The following SDR9C7 variants were observed in gnomAD, a reference collection of about 807,000 sequenced individuals.
SDR9C7 encodes short chain dehydrogenase/reductase family 9C member 7.
In SDR9C7, 11 loss-of-function variants were observed where a neutral mutation model predicts 23.6. The ratio of observed to expected loss-of-function variants is 0.47; its 90% CI spans 0.29 to 0.77. The LOEUF (loss-of-function observed/expected upper bound fraction) is 0.77, where lower values mean the gene tolerates loss of function less well. Ranked by LOEUF, SDR9C7 falls within the 30% of genes least tolerant of loss-of-function variation. The pLI is 0.09. For synonymous variants in SDR9C7, 167 were observed against 157.3 expected, an observed-to-expected ratio of 1.06 and a Z score of -0.46; for missense variants, 387 against 407.1, an observed-to-expected ratio of 0.95 and a Z score of 0.42.
At chr12:56,926,988 C>A (rs962551302) in intron 3 of SDR9C7, among the ~76,000 whole-genome samples, 2 of 152,202 alleles carry the variant, frequency 1.3e-5, no homozygotes, top group Admixed American at 1.3e-4. Context: ...ATCTTCCCTG[C>A]TAGTTTCCTG....
At chr12:56,932,549 A>G (rs1010322835) in intron 1 of SDR9C7, among the ~76,000 whole-genome samples, 3 of 152,216 alleles carry the variant, frequency 2.0e-5, no homozygotes, top group Non-Finnish European at 4.4e-5. Flanking sequence ...CAGTTGTGTT[A>G]TTTGTTACAA....
In SDR9C7 at chr12:56,923,725, C is replaced by T. The variant is rs1018613460; in HGVS notation, c.*108G>A. The T allele has an allele frequency of 1.8e-5, 16 of 906,902 alleles. No homozygotes were observed. In the Admixed American group the frequency reaches 4.1e-4, roughly 23 times the overall value. The allele number at this position is 906,902 out of a possible 1,614,324, so 56.2% of individuals were successfully genotyped here. ...AGTGGGTGTCAGCTGAGCCAAGCTTCCTTTGCAGCCAATGCCCCCAGGATA... is the reference window on the plus strand; with the variant it reads ...AGTGGGTGTCAGCTGAGCCAAGCTTTCTTTGCAGCCAATGCCCCCAGGATA... On this transcript the variant is annotated 3_prime_UTR_variant, in exon 4 of 4. Transcript: ENST00000293502.
At chr12:56,925,826 C>T (rs942543682) in intron 3 of SDR9C7, among the ~76,000 whole-genome samples, 1 of 152,070 alleles carries the variant, frequency 6.6e-6, no homozygotes, top group African/African-American at 2.4e-5. Context: ...GCTTTGTGGG[C>T]TGAGGATGTG....
Position 56,924,069 on chromosome 12 carries a change from G to C in SDR9C7, c.725-19C>G. The C allele has an allele frequency of 6.5e-7, 1 of 1,532,498 alleles. No homozygotes were observed. Among genetic ancestry groups the C allele is most frequent in the Non-Finnish European group, 9.0e-7 (1 of 1,113,222 alleles). The allele number at this position is 1,532,498 out of a possible 1,614,324, so 94.9% of individuals were successfully genotyped here. ...TCAGTATCTGTTTGAGGGCAGAGAG[G>C]GGAAAAAGGCTCTGTTATTCTTCAT... On this transcript the variant is annotated intron_variant, in intron 3 of 3. Coordinates refer to ENST00000293502, the MANE Select transcript of SDR9C7 (RefSeq NM_148897.3).
At chr12:56,927,259 C>T (rs974459626) in intron 3 of SDR9C7, among the ~76,000 whole-genome samples, 7 of 152,316 alleles carry the variant, frequency 4.6e-5, no homozygotes, top group African/African-American at 1.4e-4. Context: ...ATGGACCACA[C>T]TAAAGATGCT....
intron 1 of SDR9C7, among the ~76,000 whole-genome samples, chr12:56,930,804 C>T (rs1955764549): frequency 6.6e-6 from 1 of 152,190 alleles, no homozygotes; most frequent in Non-Finnish European, 1.5e-5. Context: ...TGTTTAGATC[C>T]CTTCCCCATC....
chr12:56,923,737 A>G lies in SDR9C7; in HGVS notation c.*96T>C, dbSNP rs1185394036. The G allele has an allele frequency of 5.0e-6, 5 of 1,001,530 alleles. No homozygotes were observed. Among genetic ancestry groups the G allele is most frequent in the Non-Finnish European group, 7.3e-6 (5 of 683,114 alleles). The allele number at this position is 1,001,530 out of a possible 1,614,324, so 62.0% of individuals were successfully genotyped here. On this transcript the variant is annotated 3_prime_UTR_variant, in exon 4 of 4. Transcript: ENST00000293502. The stretch of plus-strand genomic sequence containing the variant: ...CTGAGCCAAGCTTCCTTTGCAGCCA[A>G]TGCCCCCAGGATAACCGATACCACC...
chr12:56,924,803 C>T (rs1204369129), intron 3 of SDR9C7, among the ~76,000 whole-genome samples: 8 of 152,094 alleles, frequency 5.3e-5, no homozygotes, highest in South Asian at 2.1e-4. Context: ...TGCCTATAAT[C>T]GCAGCTACTC....
At chr12:56,928,259 A>G (rs1189357696) in intron 3 of SDR9C7, among the ~76,000 whole-genome samples, 1 of 152,084 alleles carries the variant, frequency 6.6e-6, no homozygotes, top group African/African-American at 2.4e-5. Context: ...CCTCAAATGG[A>G]GTTTTCTGCC....
chr12:56,927,244 C>A (rs564848527), intron 3 of SDR9C7, among the ~76,000 whole-genome samples: 137 of 152,142 alleles, frequency 9.0e-4, no homozygotes, highest in Admixed American at 2.2e-3. Context: ...TATACATATT[C>A]TTTCATGGAC....
chr12:56,933,891 C>G, intron 1 of SDR9C7, 70 bp downstream of exon 1: 1 of 1,526,898 alleles, frequency 6.5e-7, no homozygotes, highest in Non-Finnish European at 8.8e-7. Flanking sequence ...CTGATACTGT[C>G]AGATGCTTCG....
intron 3 of SDR9C7, among the ~76,000 whole-genome samples, chr12:56,928,439 C>G (rs1403555004): frequency 6.6e-6 from 1 of 152,144 alleles, no homozygotes; most frequent in East Asian, 1.9e-4. Flanking sequence ...CCCTGTTTCT[C>G]CTCTGTAGCA....
chr12:56,924,659 G>T (rs560695287), intron 3 of SDR9C7, among the ~76,000 whole-genome samples: 2 of 152,248 alleles, frequency 1.3e-5, no homozygotes, highest in East Asian at 3.9e-4. Flanking sequence ...AGTGGCTCAG[G>T]CCTGTAATCC....
chr12:56,926,908 A>G (rs1035587830), intron 3 of SDR9C7, among the ~76,000 whole-genome samples: 3 of 152,210 alleles, frequency 2.0e-5, no homozygotes, highest in East Asian at 1.9e-4. Flanking sequence ...TGAAGTCTGC[A>G]TTGCTGCTTT....
intron 1 of SDR9C7, 111 bp downstream of exon 1, chr12:56,933,850 C>T (rs549378466): frequency 8.7e-5 from 115 of 1,321,008 alleles, no homozygotes; most frequent in Non-Finnish European, 1.1e-4. Flanking sequence ...CCCTACATCA[C>T]CCCTCCCACC....
Position 56,923,462 on chromosome 12 carries a change from A to G in SDR9C7, c.*371T>C, listed in dbSNP as rs953005340. 3 of 173,976 alleles carry G rather than the reference A, an allele frequency of 1.7e-5. No individual in the cohort carries two copies. The highest frequency in any genetic ancestry group is 2.4e-5 in the Non-Finnish European group (2 of 81,800). 10.8% of individuals were successfully genotyped at this position (173,976 alleles called of 1,614,324 possible). A position where few individuals can be genotyped will look rare whatever the true frequency, so the allele number is the denominator to read the frequency against. ...TCTCCTGGAGGCAAGATTATCCCAC[A>G]GTATTTCTCAGTGGCAGTGATAACT... On this transcript the variant is annotated 3_prime_UTR_variant, in exon 4 of 4. Transcript: ENST00000293502.
In SDR9C7 at chr12:56,930,213, A is replaced by C. The variant is rs776947250; in HGVS notation, c.560+13T>G. ...TTTTCACCCAGAATTGTTCAGTACC[A>C]GGGCCCAGTTACCTTATGCTGTCAG... On this transcript the variant is annotated intron_variant, in intron 2 of 3. Coordinates refer to ENST00000293502, the MANE Select transcript of SDR9C7 (RefSeq NM_148897.3). 2 of 1,613,424 alleles carry C rather than the reference A, an allele frequency of 1.2e-6. No homozygotes were observed. Among genetic ancestry groups the C allele is most frequent in the Non-Finnish European group, 1.7e-6 (2 of 1,179,620 alleles).
In SDR9C7 at chr12:56,929,439, C is replaced by G. The variant is rs957968799; in HGVS notation, c.675G>C (p.Arg225Ser). Residue 225 changes from arginine (R) to serine (S), a missense_variant, in exon 3 of 4, where the codon AGG (arginine) becomes AGC (serine). Arg to Ser is a moderately radical substitution (Grantham distance 110, BLOSUM62 -1). Coordinates refer to ENST00000293502, the MANE Select transcript of SDR9C7 (RefSeq NM_148897.3). Reference protein sequence around the residue: ...LESRMRKLWERLPQETRDSYG... With the variant: ...LESRMRKLWESLPQETRDSYG... ...AGCTGTCCCGGGTCTCCTGAGGCAG[C>G]CTCTCCCAAAGCTTTCGCATGCGTG... The G allele has an allele frequency of 6.2e-6, 10 of 1,613,166 alleles. No homozygotes were observed. In the Admixed American group the frequency reaches 1.7e-4, roughly 27 times the overall value.
intron 1 of SDR9C7, among the ~76,000 whole-genome samples, chr12:56,933,213 A>G (rs990020889): frequency 6.6e-6 from 1 of 152,192 alleles, no homozygotes; most frequent in African/African-American, 2.4e-5. Context: ...TGACATAGTC[A>G]AGGAGACAAA....
Sources: gnomAD v4.1 joint callset for allele counts (sites outside exome capture counted in the v4.1 genomes callset) on GRCh38, gnomAD v4.1.1 for gene constraint, MANE v1.5 for transcripts, NCBI Gene and HGNC (gene_info 2026-07-23, HGNC 2026-07-21) for gene names.